Variants in GALK2 observed in about 807,000 individuals in gnomAD.
GALK2 encodes the protein galactokinase 2.
In GALK2, 36 loss-of-function variants were observed where a neutral mutation model predicts 52.4. The observed-to-expected ratio is 0.69, with a 90% CI of 0.53 to 0.91. The LOEUF (loss-of-function observed/expected upper bound fraction) is 0.91, where lower values mean the gene tolerates loss of function less well. GALK2 is among the 40% of genes least tolerant of loss of function. The pLI is 0.00. For synonymous variants in GALK2, 176 were observed against 199.1 expected, an observed-to-expected ratio of 0.88 and a Z score of 0.98; for missense variants, 579 against 559.1, an observed-to-expected ratio of 1.04 and a Z score of -0.36.
intron 1 of GALK2, chr15:49,195,260 A>T (rs1446614630): frequency 1.5e-5 from 5 of 328,298 alleles, no homozygotes; most frequent in African/African-American, 6.8e-5. Flanking sequence ...TTTAGTAGAG[A>T]TGGTGTTTCA....
chr15:49,322,911 C>T (rs570204609), intron 9 of GALK2, among the ~76,000 whole-genome samples: 8 of 146,200 alleles, frequency 5.5e-5, no homozygotes, highest in Admixed American at 2.8e-4. Context: ...GAGCCGAGAT[C>T]GCAACACTGC....
intron 3 of GALK2, chr15:49,366,382 G>A: frequency 1.3e-6 from 1 of 793,054 alleles, no homozygotes; most frequent in South Asian, 1.4e-5. Flanking sequence ...GTGCATTTCT[G>A]GTGTTTTCAA....
chr15:49,184,624 A>G (rs1160938015), intron 1 of GALK2, among the ~76,000 whole-genome samples: 1 of 151,824 alleles, frequency 6.6e-6, no homozygotes, highest in Non-Finnish European at 1.5e-5. Flanking sequence ...TTTTTTGTGT[A>G]TCTGTTTTGT....
chr15:49,334,224 A>T, downstream of GALK2: 1 of 981,812 alleles, frequency 1.0e-6, no homozygotes, highest in Non-Finnish European at 1.2e-6. Flanking sequence ...AAACCTATCA[A>T]GCTCCTTGTC....
At chr15:49,353,771 C>A (rs2042614513) in intron 3 of GALK2, 1 of 148,236 alleles carries the variant, frequency 6.7e-6, no homozygotes, top group African/African-American at 2.4e-5. Context: ...TGGGAGGGTT[C>A]TGGATTAGTT....
intron 1 of GALK2, among the ~76,000 whole-genome samples, chr15:49,183,646 C>T (rs2086135610): frequency 6.6e-6 from 1 of 152,044 alleles, no homozygotes; most frequent in Admixed American, 6.5e-5. Flanking sequence ...GAGTTTGAGA[C>T]CAGCCTGACC....
At chr15:49,355,744 A>G (rs1407664002) in intron 3 of GALK2, among the ~76,000 whole-genome samples, 1 of 151,562 alleles carries the variant, frequency 6.6e-6, no homozygotes, top group Non-Finnish European at 1.5e-5. Context: ...AGAGAACACC[A>G]CAAAGATACT....
At chr15:49,268,604 C>G (rs2141676811) in intron 5 of GALK2, among the ~76,000 whole-genome samples, 1 of 152,260 alleles carries the variant, frequency 6.6e-6, no homozygotes, top group Middle Eastern at 3.4e-3. Context: ...GCTGTTTGGT[C>G]CAGTAGCAGG....
chr15:49,277,720 C>A (rs988778314), intron 5 of GALK2, among the ~76,000 whole-genome samples: 1 of 150,478 alleles, frequency 6.6e-6, no homozygotes, highest in African/African-American at 2.4e-5. Flanking sequence ...GGCGTGAACC[C>A]GGGAGGCGGA....
intron 2 of GALK2, among the ~76,000 whole-genome samples, chr15:49,212,652 C>A (rs1169802744): frequency 6.6e-6 from 1 of 151,904 alleles, no homozygotes; most frequent in East Asian, 1.9e-4. Context: ...TTTAAATGTG[C>A]TTTTTTGTAC....
intron 8 of GALK2, among the ~76,000 whole-genome samples, chr15:49,311,553 C>A (rs373341779): frequency 2.6e-5 from 4 of 152,184 alleles, no homozygotes; most frequent in Middle Eastern, 3.2e-3. Context: ...TCTGCCCAAC[C>A]CTTTTCTTTG....
intron 2 of GALK2, among the ~76,000 whole-genome samples, chr15:49,212,000 A>G (rs1244130058): frequency 6.6e-6 from 1 of 152,190 alleles, no homozygotes; most frequent in East Asian, 1.9e-4. Flanking sequence ...TGCTCATAAT[A>G]GTCTCTAATG....
At chr15:49,204,984 A>C (rs2088146541) in intron 2 of GALK2, among the ~76,000 whole-genome samples, 1 of 152,232 alleles carries the variant, frequency 6.6e-6, no homozygotes, top group Non-Finnish European at 1.5e-5. Flanking sequence ...TTTAACTTAG[A>C]ATAATAGTCT....
chr15:49,274,149 A>G (rs1208363265), intron 5 of GALK2, among the ~76,000 whole-genome samples: 1 of 152,192 alleles, frequency 6.6e-6, no homozygotes, highest in Non-Finnish European at 1.5e-5. Flanking sequence ...TTGCTTAACA[A>G]TGGGGTAATG....
intron 2 of GALK2, among the ~76,000 whole-genome samples, chr15:49,210,728 G>A (rs550782936): frequency 7.2e-5 from 11 of 151,990 alleles, no homozygotes; most frequent in East Asian, 1.9e-4. Context: ...GGCGTGAGTC[G>A]CCGTGCCTGG....
At chr15:49,298,262 G>T (rs1382654729) in intron 8 of GALK2, among the ~76,000 whole-genome samples, 1 of 152,090 alleles carries the variant, frequency 6.6e-6, no homozygotes, top group African/African-American at 2.4e-5. Flanking sequence ...TTTGTACATG[G>T]ATTTTGTATC....
intron 5 of GALK2, among the ~76,000 whole-genome samples, chr15:49,265,642 A>G (rs2092333068): frequency 6.6e-6 from 1 of 152,252 alleles, no homozygotes; most frequent in Non-Finnish European, 1.5e-5. Flanking sequence ...ATGGAAATGC[A>G]GAAATCACCC....
At chr15:49,324,260 T>C (rs2037140194) in intron 9 of GALK2, among the ~76,000 whole-genome samples, 1 of 152,204 alleles carries the variant, frequency 6.6e-6, no homozygotes, top group East Asian at 1.9e-4. Flanking sequence ...CAGAAGTCTT[T>C]CTGCAATGTA....
upstream of GALK2, chr15:49,168,980 T>G (rs16962146): frequency 0.024 from 3,615 of 153,690 alleles, 109 homozygotes; most frequent in South Asian, 0.075. Context: ...GAGACCAGAG[T>G]AACTTTGTTT....
Sources: gnomAD v4.1 joint callset for allele counts (sites outside exome capture counted in the v4.1 genomes callset) on GRCh38, gnomAD v4.1.1 for gene constraint, MANE v1.5 for transcripts, NCBI Gene and HGNC (gene_info 2026-07-23, HGNC 2026-07-21) for gene names.